The following STARD8 variants were observed in gnomAD, a reference collection of about 807,000 sequenced individuals.
The protein encoded by STARD8 is stAR-related lipid transfer protein 8.
STARD8 carries 25 observed loss-of-function variants against 69.4 expected under a neutral mutation model. The observed-to-expected ratio is 0.36, with a 90% confidence interval of 0.26 to 0.50. STARD8 has a LOEUF of 0.50. Ranked by LOEUF, STARD8 falls within the 20% of genes least tolerant of loss-of-function variation. The pLI is 0.96. For synonymous variants in STARD8, 389 were observed against 374.6 expected (o/e 1.04, Z -0.45); for missense variants, 921 against 932.5 (o/e 0.99, Z 0.16).
At chrX:68,690,901 C>A (rs2079872246) in intron 2 of STARD8, among the ~76,000 whole-genome samples, 1 of 112,309 alleles carries the variant, frequency 8.9e-6, no homozygotes, top group Non-Finnish European at 1.9e-5. Context: ...CCTAGTGGAT[C>A]TGCTCTGCAG....
chrX:68,715,319 C>A lies in STARD8; in HGVS notation c.177C>A (p.Gly59=). 8.3e-7 allele frequency: 1 copy of A among 1,208,632 alleles called. No individual in the cohort carries two copies. ...FEEGSFPLDI[G]SVKKNHGFLD... The stretch of plus-strand genomic sequence containing the variant: ...AAGGTTCGTTTCCCCTGGATATTGG[C>A]TCTGTGAAGAAAAACCACGGTTTTC... Residue 59 remains glycine, a synonymous_variant, in exon 4 of 15, where the codon GGC becomes GGA. Coordinates refer to ENST00000374599, the MANE Select transcript of STARD8 (RefSeq NM_001142503.3).
intron 1 of STARD8, 74 bp downstream of exon 1, chrX:68,648,001 A>G: frequency 8.9e-7 from 1 of 1,129,224 alleles, no homozygotes. Flanking sequence ...ACTGCGCACC[A>G]GCTGGGAAAA....
rs367607003 is a variant in STARD8, at chrX:68,721,130, G to A, written c.2248+8G>A. 2.4e-5 allele frequency: 29 copies of A among 1,207,371 alleles called. No individual in the cohort carries two copies. Among genetic ancestry groups the A allele is most frequent in the African/African-American group, 1.9e-4 (11 of 56,981 alleles). On this transcript the variant is annotated splice_region_variant and intron_variant, in intron 9 of 14. Coordinates refer to ENST00000374599, the MANE Select transcript of STARD8 (RefSeq NM_001142503.3). ...TCCTCCAGATCTACCAGCGTGAGTC[G>A]CCCACTCCTATCCCCAACAACCTGT...
intron 8 of STARD8, 42 bp downstream of exon 8, chrX:68,720,465 G>A (rs2080138457): frequency 8.9e-7 from 1 of 1,120,890 alleles, no homozygotes; most frequent in Non-Finnish European, 1.2e-6. Context: ...TGGTGCAGGG[G>A]TGGGGTGGTG....
intron 2 of STARD8, among the ~76,000 whole-genome samples, chrX:68,693,488 G>C (rs2079892232): frequency 8.9e-6 from 1 of 112,643 alleles, no homozygotes; most frequent in African/African-American, 3.2e-5. Flanking sequence ...GCAGCGGCGA[G>C]GGCCTTGGAG....
At chrX:68,673,530 G>A (rs969388520) in intron 2 of STARD8, among the ~76,000 whole-genome samples, 3 of 111,742 alleles carry the variant, frequency 2.7e-5, no homozygotes, top group Non-Finnish European at 1.9e-5. Context: ...CAATGCAACA[G>A]GTCTTTTACC....
intron 1 of STARD8, among the ~76,000 whole-genome samples, chrX:68,661,441 C>A (rs947731377): frequency 1.8e-5 from 2 of 111,981 alleles, no homozygotes; most frequent in South Asian, 7.5e-4. Flanking sequence ...TTTTGCCTGG[C>A]AACTGTATCT....
At chrX:68,651,550 G>A (rs144919484) in intron 1 of STARD8, among the ~76,000 whole-genome samples, 3 of 111,637 alleles carry the variant, frequency 2.7e-5, no homozygotes, top group Admixed American at 9.5e-5. Context: ...GGGAATGGCC[G>A]GGACAGATCC....
chrX:68,648,387 CTAT>C (rs750735740), intron 1 of STARD8, among the ~76,000 whole-genome samples: 2 of 111,073 alleles, frequency 1.8e-5, no homozygotes, highest in African/African-American at 3.3e-5. Context: ...ACAATGGTAT[CTAT>C]TATTATTATT....
Position 68,661,950 on chromosome X carries a change from CT to C in STARD8, c.46-3548del, listed in dbSNP as rs1569353687. ...CCTTCCCTCCCTCCCTCCTTCCTCT[CT>C]CTCTCTCTCTCTCTCTCTCTCTTTC... On this transcript the variant is annotated intron_variant, in intron 1 of 14. Transcript: ENST00000374599. Among the ~76,000 whole-genome samples, 337 of 71,036 alleles carry C rather than the reference CT, an allele frequency of 4.7e-3. 7 individuals are homozygous for C. The highest frequency in any genetic ancestry group is 0.027 in the African/African-American group (316 of 11,798). The allele number at this position is 71,036 out of a possible 115,157, so 61.7% of individuals were successfully genotyped here.
intron 2 of STARD8, among the ~76,000 whole-genome samples, chrX:68,671,556 G>A (rs2079728502): frequency 8.9e-6 from 1 of 112,303 alleles, no homozygotes; most frequent in Non-Finnish European, 1.9e-5. Context: ...AGAACTTCTG[G>A]TAATCAGACT....
At chrX:68,652,077 C>T (rs903464039) in intron 1 of STARD8, among the ~76,000 whole-genome samples, 28 of 106,737 alleles carry the variant, frequency 2.6e-4, no homozygotes, top group African/African-American at 4.1e-4. Flanking sequence ...AGGCTGGTCT[C>T]GAGCTCCTAA....
intron 2 of STARD8, among the ~76,000 whole-genome samples, chrX:68,711,807 G>A (rs957064846): frequency 3.6e-5 from 4 of 112,353 alleles, no homozygotes; most frequent in African/African-American, 1.3e-4. Context: ...GGGGCCAGGC[G>A]AGACTGTGGC....
chrX:68,714,194 C>T lies in STARD8; in HGVS notation c.152-1100C>T, dbSNP rs2080074195. 3.6e-5 allele frequency among the ~76,000 whole-genome samples: 4 copies of T among 112,014 alleles called. No individual in the cohort carries two copies. The Admixed American group carries it at 3.8e-4, about 11-fold the overall frequency. ...TTTGGCCATAGGTCTGACTGTCACT[C>T]CTGCTCCAAACCCTCCGATGGCCTC... is the stretch of plus-strand genomic sequence containing the variant. On this transcript the variant is annotated intron_variant, in intron 3 of 14. Coordinates refer to ENST00000374599, the MANE Select transcript of STARD8 (RefSeq NM_001142503.3).
At chrX:68,671,235 T>C (rs7886230) in intron 2 of STARD8, among the ~76,000 whole-genome samples, 24,901 of 112,052 alleles carry the variant, frequency 0.22, 5,312 homozygotes, top group African/African-American at 0.68. Context: ...TGGGACAACT[T>C]GCTATTTCCT....
intron 1 of STARD8, among the ~76,000 whole-genome samples, chrX:68,662,678 C>T (rs1485789002): frequency 2.7e-5 from 3 of 111,661 alleles, no homozygotes; most frequent in Non-Finnish European, 5.6e-5. Flanking sequence ...GGCTCTTTGC[C>T]CCCTTGTCTT....
chrX:68,721,206 G>A (rs940839460), intron 9 of STARD8, 84 bp downstream of exon 9: 19 of 1,057,609 alleles, frequency 1.8e-5, no homozygotes, highest in Non-Finnish European at 2.3e-5. Flanking sequence ...TAAACCTGGT[G>A]CAGGCAAATG....
intron 2 of STARD8, chrX:68,693,604 C>T (rs1383343290): frequency 8.0e-6 from 6 of 748,610 alleles, no homozygotes; most frequent in Non-Finnish European, 7.9e-6. Flanking sequence ...CGGGGCGTCC[C>T]TACAGCCCTA....
intron 2 of STARD8, among the ~76,000 whole-genome samples, chrX:68,667,406 A>C (rs908375886): frequency 3.6e-5 from 4 of 112,228 alleles, no homozygotes; most frequent in African/African-American, 1.3e-4. Context: ...TAGACAGCGC[A>C]TTAAAAATGT....
Sources: allele counts gnomAD v4.1 joint callset (sites outside exome capture counted in the v4.1 genomes callset), GRCh38; gene constraint gnomAD v4.1.1; transcripts MANE v1.5; gene names NCBI Gene and HGNC (gene_info 2026-07-23, HGNC 2026-07-21).